PRKCQ: variants seen among roughly 807,000 people sequenced by gnomAD.
PRKCQ encodes the protein protein kinase C theta type.
A neutral mutation model predicts 91.2 loss-of-function variants in PRKCQ; 41 were observed. That is an observed-to-expected ratio of 0.45 (90% CI 0.35 to 0.58). The LOEUF is 0.58. Among genes scored for constraint, PRKCQ ranks in the 20% least tolerant of loss-of-function variants. The pLI is 0.00. For synonymous variants in PRKCQ, 307 were observed against 316.9 expected (o/e 0.97, Z 0.33); for missense variants, 673 against 896.5 (o/e 0.75, Z 3.18).
In PRKCQ at chr10:6,462,265, C is replaced by A. The variant is rs373041555; in HGVS notation, c.1508+38G>T. The A allele has an allele frequency of 1.9e-6, 3 of 1,568,806 alleles. No homozygotes were observed. In the Admixed American group the frequency reaches 5.1e-5, roughly 26 times the overall value. ...ATTAAATTAACTGAGCCAGGAAAGC[C>A]GATATCTTAGCATTTGTTTCCACAA... On this transcript the variant is annotated intron_variant, in intron 14 of 17. Coordinates refer to ENST00000263125, the MANE Select transcript of PRKCQ (RefSeq NM_006257.5).
intron 1 of PRKCQ, 40 bp from the exon 2 acceptor site, chr10:6,515,184 A>T: frequency 6.2e-7 from 1 of 1,609,208 alleles, no homozygotes; most frequent in Non-Finnish European, 8.5e-7. Context: ...TGGGGGCTAT[A>T]AAAGATATTA....
chr10:6,555,091 C>T (rs1343812364), intron 1 of PRKCQ, among the ~76,000 whole-genome samples: 3 of 150,564 alleles, frequency 2.0e-5, no homozygotes, highest in African/African-American at 7.4e-5. Context: ...TACTCATGGA[C>T]ATAAAGATGG....
chr10:6,510,935 G>A, intron 3 of PRKCQ, 60 bp downstream of exon 3: 1 of 1,595,464 alleles, frequency 6.3e-7, no homozygotes, highest in South Asian at 1.1e-5. Flanking sequence ...GGAGTTCTGA[G>A]CCAGTCATCG....
intron 15 of PRKCQ, among the ~76,000 whole-genome samples, chr10:6,452,370 A>G (rs1090702): frequency 0.81 from 122,475 of 151,336 alleles, 49,706 homozygotes; most frequent in East Asian, 0.94. Flanking sequence ...TACAAGGGAC[A>G]TGAAGGACCT....
chr10:6,548,653 T>A (rs1294888363), intron 1 of PRKCQ, among the ~76,000 whole-genome samples: 2 of 145,814 alleles, frequency 1.4e-5, no homozygotes, highest in Non-Finnish European at 3.0e-5. Context: ...AAACACTGCA[T>A]GTTCTCACTC....
chr10:6,420,510 CCT>C, the PRKCQ span, among the ~76,000 whole-genome samples: 26 of 152,304 alleles, frequency 1.7e-4, no homozygotes, highest in South Asian at 6.2e-4. Context: ...AGTTCCCTCC[CCT>C]GAGATGACCT....
intron 14 of PRKCQ, among the ~76,000 whole-genome samples, chr10:6,459,976 G>A (rs1299605397): frequency 1.3e-5 from 2 of 152,190 alleles, no homozygotes; most frequent in Non-Finnish European, 1.5e-5. Flanking sequence ...CAAATTAAAA[G>A]TTTAGGTGAG....
intron 1 of PRKCQ, among the ~76,000 whole-genome samples, chr10:6,574,906 C>T (rs1271642047): frequency 2.0e-5 from 3 of 152,192 alleles, no homozygotes; most frequent in African/African-American, 7.2e-5. Flanking sequence ...CCGTCACTGA[C>T]AGCTCTGCGA....
Position 6,436,438 on chromosome 10 carries a change from C to A in PRKCQ, c.1836+5455G>T, listed in dbSNP as rs1242276898. ...ATAAGATTAGGAGCTGGCCTGGTAC[C>A]GTGTGTGTATATACTACTTATGCCA... On this transcript the variant is annotated intron_variant, in intron 16 of 17. Coordinates refer to ENST00000263125, the MANE Select transcript of PRKCQ (RefSeq NM_006257.5). Among the ~76,000 whole-genome samples the A allele has an allele frequency of 2.0e-5, 3 of 152,216 alleles. No homozygotes were observed. In the South Asian group the frequency reaches 6.2e-4, roughly 32 times the overall value.
intron 15 of PRKCQ, among the ~76,000 whole-genome samples, chr10:6,447,384 G>T (rs1004411535): frequency 9.8e-5 from 14 of 143,366 alleles, no homozygotes; most frequent in Non-Finnish European, 1.3e-4. Context: ...TCCAGCCTGG[G>T]CAACAGAGCA....
At position 6,576,195 on chromosome 10, in the gene PRKCQ, T is replaced by G. The variant is rs995253721; in HGVS notation, c.-10+4016A>C. On this transcript the variant is annotated intron_variant, in intron 1 of 17. Coordinates refer to ENST00000263125, the MANE Select transcript of PRKCQ (RefSeq NM_006257.5). This position sits in a 1 kb window ranked among gnomAD's most constrained non-coding sequence, Gnocchi z 4.2. The stretch of plus-strand genomic sequence containing the variant: ...TAGAATTACCCTACGACCCCACAAT[T>G]CTACTGCTGGGTACATACCCCAAAG... Among the ~76,000 whole-genome samples, 1 of 152,152 alleles carries G rather than the reference T, an allele frequency of 6.6e-6. No homozygotes were observed. The highest frequency in any genetic ancestry group is 1.5e-5 in the Non-Finnish European group (1 of 68,022).
intron 12 of PRKCQ, among the ~76,000 whole-genome samples, chr10:6,475,194 G>C (rs1235667252): frequency 6.6e-6 from 1 of 152,142 alleles, no homozygotes; most frequent in Non-Finnish European, 1.5e-5. Flanking sequence ...CAGATTTCAT[G>C]AATTATCCTG....
the PRKCQ span, among the ~76,000 whole-genome samples, chr10:6,402,137 G>T: frequency 3.3e-5 from 5 of 152,022 alleles, 1 homozygote; most frequent in African/African-American, 1.2e-4. Context: ...TCATAAGTGG[G>T]AGTTGAACAA....
intron 1 of PRKCQ, among the ~76,000 whole-genome samples, chr10:6,555,206 G>T (rs147389212): frequency 5.2e-4 from 79 of 151,708 alleles, no homozygotes; most frequent in Non-Finnish European, 9.0e-4. Flanking sequence ...GGGATCAATC[G>T]CACCCTAAAC....
At chr10:6,457,734 T>A (rs1835088189) in intron 14 of PRKCQ, among the ~76,000 whole-genome samples, 1 of 152,178 alleles carries the variant, frequency 6.6e-6, no homozygotes, top group Admixed American at 6.5e-5. Flanking sequence ...TCCATTACCA[T>A]CCTCTTGCCT....
At chr10:6,510,173 A>C (rs1159492622) in intron 3 of PRKCQ, among the ~76,000 whole-genome samples, 1 of 152,230 alleles carries the variant, frequency 6.6e-6, no homozygotes, top group Admixed American at 6.5e-5. Flanking sequence ...CAGATCATGT[A>C]AAAGCAGTTT....
At chr10:6,557,731 A>G (rs1026026066) in intron 1 of PRKCQ, among the ~76,000 whole-genome samples, 1 of 152,184 alleles carries the variant, frequency 6.6e-6, no homozygotes, top group Admixed American at 6.5e-5. Context: ...ATGTTCCACC[A>G]GCCCCTCAAA....
intron 15 of PRKCQ, among the ~76,000 whole-genome samples, chr10:6,454,803 C>T (rs1425360363): frequency 6.6e-6 from 1 of 152,048 alleles, no homozygotes; most frequent in Non-Finnish European, 1.5e-5. Flanking sequence ...AATGAAGTTG[C>T]TCGTGGAGGA....
chr10:6,531,354 A>G (rs942834415), intron 1 of PRKCQ, among the ~76,000 whole-genome samples: 8 of 151,522 alleles, frequency 5.3e-5, no homozygotes, highest in Admixed American at 4.6e-4. Context: ...TCTGAGCAAC[A>G]TTTGGCAATG....
Sources: allele counts gnomAD v4.1 joint callset (sites outside exome capture counted in the v4.1 genomes callset), GRCh38; gene constraint gnomAD v4.1.1; non-coding constraint Gnocchi (gnomAD v3.1); transcripts MANE v1.5; gene names NCBI Gene and HGNC (gene_info 2026-07-23, HGNC 2026-07-21).